NFS1: variants seen among roughly 807,000 people sequenced by gnomAD.
NFS1 encodes NFS1 cysteine desulfurase.
Under a neutral mutation model 57.3 loss-of-function variants are expected in NFS1, and 26 were observed. The observed-to-expected ratio is 0.45, with a 90% CI of 0.33 to 0.63. The LOEUF (loss-of-function observed/expected upper bound fraction) is 0.63, where lower values mean the gene tolerates loss of function less well. NFS1 is among the 20% of genes least tolerant of loss of function. NFS1 has a pLI of 0.02. For missense variants in NFS1, 505 were observed against 605.8 expected (o/e 0.83, Z 1.75); for synonymous variants, 209 against 216.3 (o/e 0.97, Z 0.30).
Position 35,672,847 on chromosome 20 carries a change from GA to G in NFS1, c.1221-4del. The G allele has an allele frequency of 5.7e-6, 9 of 1,582,868 alleles. No homozygotes were observed. Among genetic ancestry groups the G allele is most frequent in the African/African-American group, 1.4e-5 (1 of 73,604 alleles). ...TAGTGAAGCGGCCAATTCCAAACCT[GA>G]AAAAAGGCACAGGAGAATGGCTCCC... is the stretch of plus-strand genomic sequence containing the variant. On this transcript the variant is annotated splice_region_variant and splice_polypyrimidine_tract_variant and intron_variant, in intron 11 of 12. Coordinates refer to ENST00000374092, the MANE Select transcript of NFS1 (RefSeq NM_021100.5).
At chr20:35,685,837 A>T (rs2034930119) in intron 5 of NFS1, among the ~76,000 whole-genome samples, 1 of 146,090 alleles carries the variant, frequency 6.8e-6, no homozygotes, top group African/African-American at 2.5e-5. Context: ...CAGCCTGGGC[A>T]ACAAGAGCGA....
intron 7 of NFS1, among the ~76,000 whole-genome samples, chr20:35,680,113 G>A (rs1180397128): frequency 6.6e-6 from 1 of 152,118 alleles, no homozygotes; most frequent in Non-Finnish European, 1.5e-5. Flanking sequence ...GACCATCCTG[G>A]CTAACATGGT....
At chr20:35,690,592 G>A (rs1264266256) in intron 4 of NFS1, 27 bp from the exon 5 acceptor site, 16 of 1,612,412 alleles carry the variant, frequency 9.9e-6, no homozygotes, top group African/African-American at 2.7e-5. Flanking sequence ...ACAGATGGAA[G>A]GAGAACATAC....
At chr20:35,682,112 G>C (rs1485589296) in intron 5 of NFS1, 131 bp from the exon 6 acceptor site, 2 of 507,510 alleles carry the variant, frequency 3.9e-6, no homozygotes, top group Non-Finnish European at 7.4e-6. Flanking sequence ...TAAAAACAGT[G>C]ACAACACAAA....
chr20:35,699,111 G>A lies in NFS1; in HGVS notation c.97+81C>T. Reference sequence around the variant, plus strand: ...GAGGGTCTGGGCAGCAGGGTGGACAGGAAGGCTCCGGAATATTCAGTTGCG... The same window carrying A: ...GAGGGTCTGGGCAGCAGGGTGGACAAGAAGGCTCCGGAATATTCAGTTGCG... On this transcript the variant is annotated intron_variant, in intron 1 of 12. Coordinates refer to ENST00000374092, the MANE Select transcript of NFS1 (RefSeq NM_021100.5). The surrounding 1 kb of genome is among the most constrained non-coding windows in gnomAD (Gnocchi z 4.4). 7.4e-7 allele frequency: 1 copy of A among 1,355,476 alleles called. No homozygotes were observed. The highest frequency in any genetic ancestry group is 1.8e-5 in the South Asian group (1 of 55,066). 84.0% of individuals were successfully genotyped at this position (1,355,476 alleles called of 1,614,324 possible).
chr20:35,680,323 A>G (rs887289295), intron 7 of NFS1, among the ~76,000 whole-genome samples: 6 of 152,058 alleles, frequency 3.9e-5, no homozygotes, highest in Admixed American at 6.6e-5. Flanking sequence ...AAAAAAGAAC[A>G]CAAAGAGATG....
At chr20:35,674,011 G>A in intron 10 of NFS1, 1 of 448,700 alleles carries the variant, frequency 2.2e-6, no homozygotes, top group Non-Finnish European at 4.1e-6. Context: ...TGCACCATCT[G>A]CACCAGCCTG....
intron 7 of NFS1, among the ~76,000 whole-genome samples, chr20:35,679,762 C>A (rs773742437): frequency 5.3e-5 from 8 of 152,012 alleles, no homozygotes; most frequent in Non-Finnish European, 1.2e-4. Context: ...GATAACACAC[C>A]CTGCAGACAT....
At chr20:35,672,184 T>A (rs1170430726) in intron 12 of NFS1, among the ~76,000 whole-genome samples, 2 of 151,980 alleles carry the variant, frequency 1.3e-5, no homozygotes, top group Admixed American at 1.3e-4. Flanking sequence ...GGTCTCGATC[T>A]CCTGACCTTG....
intron 5 of NFS1, 70 bp downstream of exon 5, chr20:35,690,343 C>T: frequency 6.7e-7 from 1 of 1,495,862 alleles, no homozygotes; most frequent in Non-Finnish European, 9.2e-7. Context: ...AGCTAGGGCC[C>T]AAGAGAGAAA....
chr20:35,698,911 G>C (rs2035192943), intron 1 of NFS1: 1 of 1,314,712 alleles, frequency 7.6e-7, no homozygotes, highest in African/African-American at 1.5e-5. Flanking sequence ...GAAGGTAACG[G>C]TCTGCACGGG....
At chr20:35,671,626 G>A (rs2034656045) in intron 12 of NFS1, among the ~76,000 whole-genome samples, 1 of 151,736 alleles carries the variant, frequency 6.6e-6, no homozygotes, top group African/African-American at 2.4e-5. Context: ...GCGGTGGCTT[G>A]TGCCTGTAAT....
intron 4 of NFS1, among the ~76,000 whole-genome samples, chr20:35,693,074 G>C (rs913388302): frequency 6.6e-6 from 1 of 151,780 alleles, no homozygotes; most frequent in Non-Finnish European, 1.5e-5. Context: ...TGGGGAAGGA[G>C]AGGAAGATTT....
chr20:35,673,205 T>C (rs1052529646), intron 11 of NFS1, among the ~76,000 whole-genome samples: 5 of 152,016 alleles, frequency 3.3e-5, no homozygotes, highest in Non-Finnish European at 7.4e-5. Context: ...GGAGAATTGC[T>C]TGAACCTGCA....
intron 1 of NFS1, 113 bp from the exon 2 acceptor site, chr20:35,698,703 G>T: frequency 7.0e-7 from 1 of 1,432,926 alleles, no homozygotes; most frequent in Non-Finnish European, 9.2e-7. Flanking sequence ...TGTAAGGGAT[G>T]CTAGGGTCGA....
intron 7 of NFS1, among the ~76,000 whole-genome samples, chr20:35,679,888 T>C (rs898701897): frequency 1.3e-5 from 2 of 152,206 alleles, no homozygotes; most frequent in African/African-American, 2.4e-5. Flanking sequence ...CAACAGTCTA[T>C]TCCCAAGGGT....
chr20:35,672,075 C>CA, intron 12 of NFS1, among the ~76,000 whole-genome samples: 1 of 138,088 alleles, frequency 7.2e-6, no homozygotes, highest in East Asian at 2.0e-4. Context: ...TCTCCTGCCT[C>CA]ACCTCCCGAG....
At chr20:35,694,006 C>T (rs117566495) in intron 4 of NFS1, among the ~76,000 whole-genome samples, 1,555 of 152,108 alleles carry the variant, frequency 0.01, 21 homozygotes, top group Admixed American at 0.034. Context: ...ATTAGACAGG[C>T]GTGCTAGTAC....
At chr20:35,696,484 T>A (rs779467986) in intron 3 of NFS1, 24 bp from the exon 4 acceptor site, 16 of 1,585,436 alleles carry the variant, frequency 1.0e-5, no homozygotes, top group Non-Finnish European at 1.1e-5. Flanking sequence ...AACAGAGATA[T>A]ATAACATCAG....
Sources: gnomAD v4.1 joint callset for allele counts (sites outside exome capture counted in the v4.1 genomes callset) on GRCh38, gnomAD v4.1.1 for gene constraint, Gnocchi (gnomAD v3.1) non-coding constraint, MANE v1.5 for transcripts, NCBI Gene and HGNC (gene_info 2026-07-23, HGNC 2026-07-21) for gene names.